Variants in MSRA observed in about 807,000 individuals in gnomAD.
The protein encoded by MSRA is mitochondrial peptide methionine sulfoxide reductase.
MSRA carries 54 observed loss-of-function variants against 31.3 expected under a neutral mutation model. That is an observed-to-expected ratio of 1.73 (90% CI 1.39 to 2.17). The LOEUF (loss-of-function observed/expected upper bound fraction) is 2.17, where lower values mean the gene tolerates loss of function less well. Among genes scored for constraint, MSRA ranks in the 30% most tolerant of loss-of-function variants. The pLI is 0.00. For missense variants in MSRA, 507 were observed against 300.9 expected (o/e 1.69, Z -5.07); for synonymous variants, 169 against 116.5 (o/e 1.45, Z -2.90).
intron 1 of MSRA, among the ~76,000 whole-genome samples, chr8:10,068,623 G>A (rs1203869438): frequency 6.6e-6 from 1 of 152,164 alleles, no homozygotes; most frequent in Non-Finnish European, 1.5e-5. Flanking sequence ...CCATATTTAT[G>A]TGGGTCTATT....
intron 2 of MSRA, among the ~76,000 whole-genome samples, chr8:10,238,050 T>C (rs1019110644): frequency 2.0e-5 from 3 of 152,138 alleles, no homozygotes; most frequent in Non-Finnish European, 4.4e-5. Context: ...TCCTTAACCA[T>C]CCCACAAGGT....
At chr8:10,427,590 G>A (rs1396272059) in intron 5 of MSRA, among the ~76,000 whole-genome samples, 1 of 152,186 alleles carries the variant, frequency 6.6e-6, no homozygotes, top group Non-Finnish European at 1.5e-5. Flanking sequence ...GCCACAGCGA[G>A]TGAGGGGACA....
At chr8:10,292,202 A>G (rs1348899599) in intron 3 of MSRA, among the ~76,000 whole-genome samples, 1 of 152,212 alleles carries the variant, frequency 6.6e-6, no homozygotes, top group Non-Finnish European at 1.5e-5. Flanking sequence ...GATTCCATCT[A>G]GGGACTGGTC....
At chr8:10,278,098 T>G (rs140583548) in intron 3 of MSRA, among the ~76,000 whole-genome samples, 156 of 151,196 alleles carry the variant, frequency 1.0e-3, no homozygotes, top group African/African-American at 3.7e-3. Context: ...CTTGAGGCAT[T>G]TATTTATTTA....
At chr8:10,281,190 G>A (rs1467060582) in intron 3 of MSRA, among the ~76,000 whole-genome samples, 3 of 152,130 alleles carry the variant, frequency 2.0e-5, no homozygotes, top group Non-Finnish European at 1.5e-5. Context: ...TGTTACCAGA[G>A]AAAAAAGCAT....
intron 5 of MSRA, among the ~76,000 whole-genome samples, chr8:10,404,803 C>T (rs1012789121): frequency 1.3e-5 from 2 of 152,108 alleles, no homozygotes; most frequent in African/African-American, 4.8e-5. Context: ...CACTGGGACC[C>T]TTCCATTTTT....
At chr8:10,278,237 C>T (rs535994210) in intron 3 of MSRA, among the ~76,000 whole-genome samples, 1 of 152,196 alleles carries the variant, frequency 6.6e-6, no homozygotes, top group Middle Eastern at 3.4e-3. Flanking sequence ...TTCTGGAGTA[C>T]CTTCGGGTCT....
intron 1 of MSRA, among the ~76,000 whole-genome samples, chr8:10,122,576 G>T (rs1182121426): frequency 6.6e-6 from 1 of 151,446 alleles, no homozygotes; most frequent in Admixed American, 6.6e-5. Context: ...GTGCATGTTT[G>T]TTTAATGGGT....
intron 3 of MSRA, among the ~76,000 whole-genome samples, chr8:10,257,934 C>T (rs1279771320): frequency 6.6e-6 from 1 of 152,162 alleles, no homozygotes; most frequent in African/African-American, 2.4e-5. Context: ...GAGATGAGTT[C>T]ATGAGATTTC....
chr8:10,113,894 C>G (rs1800482919), intron 1 of MSRA, among the ~76,000 whole-genome samples: 1 of 152,098 alleles, frequency 6.6e-6, no homozygotes, highest in Non-Finnish European at 1.5e-5. Flanking sequence ...GTGGCCATCA[C>G]CACTGTCTAA....
At chr8:10,334,256 G>A (rs1243640439) in intron 5 of MSRA, among the ~76,000 whole-genome samples, 1 of 151,920 alleles carries the variant, frequency 6.6e-6, no homozygotes, top group Admixed American at 6.6e-5. Flanking sequence ...GTTAATTTCC[G>A]TGGAAAAGAA....
chr8:10,270,379 T>C (rs1585323927), intron 3 of MSRA, among the ~76,000 whole-genome samples: 2 of 149,460 alleles, frequency 1.3e-5, no homozygotes, highest in East Asian at 4.0e-4. Flanking sequence ...ATAGAAATTA[T>C]GTGTGTCTGC....
At chr8:10,059,903 A>C (rs1233845733) in intron 1 of MSRA, among the ~76,000 whole-genome samples, 2 of 152,238 alleles carry the variant, frequency 1.3e-5, no homozygotes, top group Non-Finnish European at 2.9e-5. Flanking sequence ...TATAATGAGA[A>C]TGCAAATACC....
At chr8:10,263,085 T>G (rs958641078) in intron 3 of MSRA, among the ~76,000 whole-genome samples, 6 of 152,252 alleles carry the variant, frequency 3.9e-5, no homozygotes, top group African/African-American at 1.2e-4. Flanking sequence ...CAGTTTATCC[T>G]GACCCCAGCC....
intron 1 of MSRA, among the ~76,000 whole-genome samples, chr8:10,103,351 G>T (rs1164636130): frequency 6.6e-6 from 1 of 152,182 alleles, no homozygotes. Context: ...GATGATGCAT[G>T]TAACTTTGGA....
At chr8:10,321,757 C>G (rs1227409812) in intron 5 of MSRA, among the ~76,000 whole-genome samples, 1 of 152,100 alleles carries the variant, frequency 6.6e-6, no homozygotes, top group Non-Finnish European at 1.5e-5. Flanking sequence ...GCTTACATGA[C>G]AAGGACAAAA....
intron 1 of MSRA, among the ~76,000 whole-genome samples, chr8:10,081,781 G>A (rs116691648): frequency 3.9e-5 from 6 of 152,140 alleles, no homozygotes; most frequent in African/African-American, 1.4e-4. Context: ...ACAGGTGTGA[G>A]CCACTACGCC....
rs927014696 is a variant in MSRA, at chr8:10,112,767, A to T, written c.142+58109A>T. 3.3e-5 allele frequency among the ~76,000 whole-genome samples: 5 copies of T among 151,208 alleles called. 1 individual carries two copies. The highest frequency in any genetic ancestry group is 5.9e-5 in the Non-Finnish European group (4 of 68,038). ...ATAGCCATGGCTTTCTGAGCCCTGC[A>T]GGGGTGGGGTTGGAGAAGTTTTTCT... is the stretch of plus-strand genomic sequence containing the variant. On this transcript the variant is annotated intron_variant, in intron 1 of 5. Coordinates refer to ENST00000317173, the MANE Select transcript of MSRA (RefSeq NM_012331.5).
intron 1 of MSRA, among the ~76,000 whole-genome samples, chr8:10,128,992 G>A (rs1428445264): frequency 1.3e-5 from 2 of 152,172 alleles, no homozygotes; most frequent in African/African-American, 4.8e-5. Context: ...TATATAATAT[G>A]CTTTCTCTCT....
Sources: gnomAD v4.1 joint callset for allele counts (sites outside exome capture counted in the v4.1 genomes callset) on GRCh38, gnomAD v4.1.1 for gene constraint, MANE v1.5 for transcripts, NCBI Gene and HGNC (gene_info 2026-07-23, HGNC 2026-07-21) for gene names.